TUG1: variants seen among roughly 807,000 people sequenced by gnomAD.
TUG1 encodes the protein taurine up-regulated 1.
chr22:30,970,191 GGGAATGTGCGTTTTA>G (rs1367826135), exon 1 of TUG1: 2 of 152,146 alleles, frequency 1.3e-5, no homozygotes, highest in African/African-American at 4.8e-5. Flanking sequence ...GGGAATTTGT[GGGAATGTGCGTTTTA>G]GGGGAATGAT....
chr22:30,970,412 T>A (rs905696747), exon 1 of TUG1: 2 of 152,210 alleles, frequency 1.3e-5, no homozygotes, highest in Admixed American at 1.3e-4. Context: ...TTAACAACAG[T>A]CCCCTGCTTG....
intron 2 of TUG1, chr22:30,974,427 G>A (rs1175803053): frequency 6.6e-6 from 1 of 151,472 alleles, no homozygotes; most frequent in Non-Finnish European, 1.5e-5. Flanking sequence ...ATCAAACACA[G>A]AAGGATATTT....
exon 3 of TUG1, chr22:30,977,923 C>T (rs1161406825): frequency 6.6e-6 from 1 of 152,134 alleles, no homozygotes; most frequent in Non-Finnish European, 1.5e-5. Flanking sequence ...GGCCTCTATT[C>T]CTGTATGTAA....
exon 3 of TUG1, chr22:30,977,631 G>A (rs879653444): frequency 5.3e-5 from 8 of 152,162 alleles, no homozygotes; most frequent in Non-Finnish European, 1.0e-4. Flanking sequence ...GGTTCTTCCA[G>A]ATCATATTCT....
At chr22:30,975,842 C>G (rs1189521389) in exon 3 of TUG1, 2 of 152,126 alleles carry the variant, frequency 1.3e-5, no homozygotes, top group Admixed American at 1.3e-4. Flanking sequence ...GTACATTTGA[C>G]CTCTTGTTAT....
exon 3 of TUG1, chr22:30,976,223 G>A (rs2041286950): frequency 6.6e-6 from 1 of 152,058 alleles, no homozygotes; most frequent in Non-Finnish European, 1.5e-5. Context: ...GAAACCATTT[G>A]GAAAAGTTTC....
chr22:30,978,377 G>A (rs954872161), exon 3 of TUG1: 10 of 152,174 alleles, frequency 6.6e-5, no homozygotes, highest in African/African-American at 2.2e-4. Flanking sequence ...CATGCCAGCT[G>A]TTACCATTCA....
At chr22:30,976,422 T>C (rs2041288507) in exon 3 of TUG1, 1 of 152,202 alleles carries the variant, frequency 6.6e-6, no homozygotes, top group Non-Finnish European at 1.5e-5. Flanking sequence ...ACCTTTTTGC[T>C]GGAAACAAAC....
chr22:30,975,787 G>A (rs573872682), exon 3 of TUG1: 12 of 152,288 alleles, frequency 7.9e-5, no homozygotes, highest in African/African-American at 2.2e-4. Flanking sequence ...ATCAGCAAGC[G>A]GGTTTTGAAG....
exon 1 of TUG1, chr22:30,969,408 G>A (rs977825353): frequency 6.6e-6 from 1 of 152,506 alleles, no homozygotes; most frequent in African/African-American, 2.4e-5. Context: ...GAACGGGCGT[G>A]CGGTCGATCG....
At chr22:30,975,808 A>T (rs1016240354) in exon 3 of TUG1, 1 of 152,162 alleles carries the variant, frequency 6.6e-6, no homozygotes, top group African/African-American at 2.4e-5. Context: ...CTGGTGCCTC[A>T]TTGAGGCCAT....
At chr22:30,975,115 A>G (rs974105976) in intron 2 of TUG1, 55 bp from the exon 3 acceptor site, 1 of 152,240 alleles carries the variant, frequency 6.6e-6, no homozygotes, top group African/African-American at 2.4e-5. Context: ...ACCTTGGTTT[A>G]CCACAGGCTT....
At chr22:30,972,437 T>G (rs2041241091) in intron 1 of TUG1, 1 of 152,224 alleles carries the variant, frequency 6.6e-6, no homozygotes, top group South Asian at 2.1e-4. Context: ...ATAAGACAGT[T>G]TGAGGAAGGC....
chr22:30,976,567 C>G (rs964368941), exon 3 of TUG1: 2 of 152,328 alleles, frequency 1.3e-5, no homozygotes, highest in East Asian at 3.9e-4. Context: ...CTCAGAGCAG[C>G]TGACTTCATT....
At chr22:30,976,884 G>A (rs1362053613) in exon 3 of TUG1, 1 of 152,202 alleles carries the variant, frequency 6.6e-6, no homozygotes, top group Admixed American at 6.5e-5. Flanking sequence ...GCCTAGGTCT[G>A]GTTGCTGTAG....
At chr22:30,977,038 T>C (rs2041296524) in exon 3 of TUG1, 1 of 151,804 alleles carries the variant, frequency 6.6e-6, no homozygotes, top group African/African-American at 2.4e-5. Context: ...TCCTATACTT[T>C]ACAGAAAAAG....
chr22:30,969,418 G>C (rs2147346685), exon 1 of TUG1: 1 of 152,542 alleles, frequency 6.6e-6, no homozygotes, highest in Admixed American at 6.5e-5. Context: ...GCGGTCGATC[G>C]AGCGATCGGT....
At chr22:30,972,778 A>G (rs2147358735) in intron 1 of TUG1, 77 bp from the exon 2 acceptor site, 2 of 153,446 alleles carry the variant, frequency 1.3e-5, no homozygotes, top group Admixed American at 1.3e-4. Flanking sequence ...ATGTGCTGAC[A>G]GCAGACCCAC....
chr22:30,975,133 A>G (rs560560083), intron 2 of TUG1, 37 bp from the exon 3 acceptor site: 3 of 152,336 alleles, frequency 2.0e-5, no homozygotes, highest in South Asian at 2.1e-4. Flanking sequence ...CTTTGCTTAC[A>G]GTTTCTGCTT....
Sources: allele counts gnomAD v4.1 joint callset, GRCh38; gene constraint gnomAD v4.1.1; transcripts MANE v1.5; gene names NCBI Gene and HGNC (gene_info 2026-07-23, HGNC 2026-07-21).